The following MAGI2 variants were observed in gnomAD, a reference collection of about 807,000 sequenced individuals.
MAGI2 encodes membrane-associated guanylate kinase, WW and PDZ domain-containing protein 2.
In MAGI2, 35 loss-of-function variants were observed where a neutral mutation model predicts 133.3. The observed-to-expected ratio is 0.26, with a 90% CI of 0.20 to 0.35. The LOEUF (loss-of-function observed/expected upper bound fraction) is 0.35. Ranked by LOEUF, MAGI2 falls within the 10% of genes least tolerant of loss-of-function variation. The pLI, the probability that MAGI2 is intolerant of heterozygous loss-of-function variation, is 1.00. For synonymous variants in MAGI2, 729 were observed against 710.6 expected, an observed-to-expected ratio of 1.03 and a Z score of -0.41; for missense variants, 1,636 against 1,863.4, an observed-to-expected ratio of 0.88 and a Z score of 2.25.
chr7:78,526,247 T>C (rs1040142669), intron 3 of MAGI2, among the ~76,000 whole-genome samples: 1 of 152,170 alleles, frequency 6.6e-6, no homozygotes, highest in Non-Finnish European at 1.5e-5. Context: ...CCACAGTCAA[T>C]GAACACAAAT....
chr7:78,516,807 A>G (rs1313214722), intron 4 of MAGI2, among the ~76,000 whole-genome samples: 1 of 152,200 alleles, frequency 6.6e-6, no homozygotes, highest in African/African-American at 2.4e-5. Flanking sequence ...GATATTTCGA[A>G]GGCAAGGATG....
chr7:78,660,914 ACTG>A (rs1405412753), intron 2 of MAGI2, among the ~76,000 whole-genome samples: 2 of 152,138 alleles, frequency 1.3e-5, no homozygotes, highest in Non-Finnish European at 2.9e-5. Context: ...TTGAAACAGC[ACTG>A]ATAAGGCATC....
At chr7:78,920,260 C>A (rs1036935956) in intron 2 of MAGI2, among the ~76,000 whole-genome samples, 1 of 152,030 alleles carries the variant, frequency 6.6e-6, no homozygotes, top group East Asian at 1.9e-4. Flanking sequence ...AATTATTTAG[C>A]CCCTCTGTAC....
intron 1 of MAGI2, among the ~76,000 whole-genome samples, chr7:79,250,827 A>G (rs1833191836): frequency 6.6e-6 from 1 of 152,238 alleles, no homozygotes; most frequent in Admixed American, 6.5e-5. Context: ...GAGGAATAGC[A>G]TTACCTGACT....
At chr7:78,731,297 C>T (rs1210908482) in intron 2 of MAGI2, among the ~76,000 whole-genome samples, 1 of 152,134 alleles carries the variant, frequency 6.6e-6, no homozygotes, top group Non-Finnish European at 1.5e-5. Flanking sequence ...CTGAAAACCA[C>T]TGCTATATCC....
chr7:79,098,006 C>A (rs1165999410), intron 1 of MAGI2, among the ~76,000 whole-genome samples: 2 of 152,126 alleles, frequency 1.3e-5, no homozygotes, highest in African/African-American at 2.4e-5. Context: ...CCTGTACTCC[C>A]AGCTACTTGG....
chr7:79,333,996 G>A (rs1229434941), intron 1 of MAGI2, among the ~76,000 whole-genome samples: 2 of 152,150 alleles, frequency 1.3e-5, no homozygotes. Context: ...AGTTAAGGAT[G>A]ACATTACACT....
At position 78,595,243 on chromosome 7, in the gene MAGI2, G is replaced by GC. The variant is rs1033096470; in HGVS notation, c.538+31876dup. On this transcript the variant is annotated intron_variant, in intron 3 of 21. Coordinates refer to ENST00000354212, the MANE Select transcript of MAGI2 (RefSeq NM_012301.4). ...TCCTCTCCCAAATTGTTGCCATGCT[G>GC]CTTGGAGTCAGAGTAAAAACAAATT... Among the ~76,000 whole-genome samples, 54 of 152,202 alleles carry GC rather than the reference G, an allele frequency of 3.5e-4. 1 individual carries two copies. Among genetic ancestry groups the GC allele is most frequent in the African/African-American group, 1.3e-3 (53 of 41,512 alleles).
At chr7:79,011,633 G>C (rs1808103104) in intron 1 of MAGI2, among the ~76,000 whole-genome samples, 1 of 152,148 alleles carries the variant, frequency 6.6e-6, no homozygotes. Flanking sequence ...GGGTTAAATA[G>C]AGAGGGGAAA....
chr7:79,024,843 T>TAA (rs57650854), intron 1 of MAGI2, among the ~76,000 whole-genome samples: 1 of 150,754 alleles, frequency 6.6e-6, no homozygotes, highest in Non-Finnish European at 1.5e-5. Flanking sequence ...ATTAAAAAGT[T>TAA]AAAAAAAAAA....
intron 10 of MAGI2, chr7:78,254,648 C>T (rs1188505294): frequency 6.6e-6 from 1 of 152,178 alleles, no homozygotes; most frequent in African/African-American, 2.4e-5. Context: ...AAGGAATCAA[C>T]AATGTGATAC....
intron 1 of MAGI2, among the ~76,000 whole-genome samples, chr7:79,313,436 C>T (rs1019247628): frequency 2.0e-5 from 3 of 152,034 alleles, no homozygotes; most frequent in Non-Finnish European, 4.4e-5. Context: ...TTCTCCCTCC[C>T]GCCCTTCTTC....
intron 6 of MAGI2, among the ~76,000 whole-genome samples, chr7:78,429,772 T>C (rs1584070527): frequency 6.6e-6 from 1 of 152,132 alleles, no homozygotes; most frequent in African/African-American, 2.4e-5. Flanking sequence ...ACTAGCTTTG[T>C]ATAGCACTTG....
chr7:78,464,239 C>T (rs79524818), intron 6 of MAGI2, among the ~76,000 whole-genome samples: 5,039 of 152,228 alleles, frequency 0.033, 276 homozygotes, highest in African/African-American at 0.12. Context: ...TCCTCCCACT[C>T]ATGCTTTAAC....
chr7:78,807,911 T>C (rs941504956), intron 2 of MAGI2, among the ~76,000 whole-genome samples: 5 of 152,182 alleles, frequency 3.3e-5, no homozygotes, highest in African/African-American at 9.6e-5. Context: ...AAGTAACTTA[T>C]TGGAGCTTAC....
intron 20 of MAGI2, among the ~76,000 whole-genome samples, chr7:78,084,976 G>A (rs771686186): frequency 2.6e-5 from 4 of 152,078 alleles, no homozygotes; most frequent in Admixed American, 6.5e-5. Flanking sequence ...TCATTAGATC[G>A]CGATTGAATT....
At chr7:78,863,737 T>C (rs1794337882) in intron 2 of MAGI2, among the ~76,000 whole-genome samples, 1 of 152,222 alleles carries the variant, frequency 6.6e-6, no homozygotes. Flanking sequence ...TTCTTTGAGC[T>C]GATAAAGGCC....
chr7:78,514,980 G>A (rs1795918357), intron 4 of MAGI2, among the ~76,000 whole-genome samples: 1 of 152,114 alleles, frequency 6.6e-6, no homozygotes, highest in African/African-American at 2.4e-5. Flanking sequence ...GCTCTCATGG[G>A]CCCTGTTCCT....
Position 78,732,151 on chromosome 7 carries a change from C to T in MAGI2, c.419-104912G>A, listed in dbSNP as rs376816230. ...GGAAGAGCACCTCCATCATCATCTC[C>T]GTCCTGCTGTTTATGTTGTCACCAA... On this transcript the variant is annotated intron_variant, in intron 2 of 21. Coordinates refer to ENST00000354212, the MANE Select transcript of MAGI2 (RefSeq NM_012301.4). 9.9e-5 allele frequency among the ~76,000 whole-genome samples: 15 copies of T among 152,194 alleles called. No homozygotes were observed. In the South Asian group the frequency reaches 2.3e-3, roughly 23 times the overall value.
Sources: gnomAD v4.1 joint callset for allele counts (sites outside exome capture counted in the v4.1 genomes callset) on GRCh38, gnomAD v4.1.1 for gene constraint, MANE v1.5 for transcripts, NCBI Gene and HGNC (gene_info 2026-07-23, HGNC 2026-07-21) for gene names.